The following SPMIP2 variants were observed in gnomAD, a reference collection of about 807,000 sequenced individuals.
SPMIP2 encodes the protein sperm microtubule inner protein 2, also known as protein SPMIP2.
At chr4:159,028,810 T>C in the SPMIP2 span, among the ~76,000 whole-genome samples, 3 of 152,128 alleles carry the variant, frequency 2.0e-5, 1 homozygote, top group Non-Finnish European at 4.4e-5. Context: ...AAATAACATT[T>C]TCTAGGCAGG....
chr4:158,914,559 G>T, the SPMIP2 span, among the ~76,000 whole-genome samples: 1 of 152,178 alleles, frequency 6.6e-6, no homozygotes, highest in Non-Finnish European at 1.5e-5. Context: ...CGCCTGCAAA[G>T]TTCATTGTGC....
the SPMIP2 span, among the ~76,000 whole-genome samples, chr4:158,912,331 C>T: frequency 1.3e-5 from 2 of 152,184 alleles, no homozygotes; most frequent in African/African-American, 2.4e-5. Flanking sequence ...TAAGTTTATA[C>T]ATGGAAAACC....
the SPMIP2 span, among the ~76,000 whole-genome samples, chr4:158,954,749 C>T: frequency 2.0e-5 from 3 of 152,138 alleles, no homozygotes; most frequent in Non-Finnish European, 4.4e-5. Context: ...TAAAAACAGG[C>T]ATTTCTGAAG....
At chr4:158,974,160 T>A in the SPMIP2 span, among the ~76,000 whole-genome samples, 2 of 151,880 alleles carry the variant, frequency 1.3e-5, no homozygotes, top group African/African-American at 4.8e-5. Flanking sequence ...GAGAAAATTG[T>A]TAGATGAGGG....
the SPMIP2 span, among the ~76,000 whole-genome samples, chr4:159,072,981 TG>T: frequency 5.9e-5 from 9 of 152,318 alleles, no homozygotes; most frequent in African/African-American, 2.2e-4. Context: ...CTCACAATGC[TG>T]CAGCCAGAGA....
At chr4:158,994,585 T>C in the SPMIP2 span, among the ~76,000 whole-genome samples, 2 of 152,142 alleles carry the variant, frequency 1.3e-5, no homozygotes, top group African/African-American at 4.8e-5. Context: ...AATAAATAAA[T>C]CAAAAGGAAT....
chr4:159,068,603 A>G, the SPMIP2 span, among the ~76,000 whole-genome samples: 1 of 152,132 alleles, frequency 6.6e-6, no homozygotes, highest in African/African-American at 2.4e-5. Flanking sequence ...TGGCACATGC[A>G]TACATATGTA....
the SPMIP2 span, among the ~76,000 whole-genome samples, chr4:159,033,795 T>C: frequency 6.6e-6 from 1 of 152,048 alleles, no homozygotes; most frequent in African/African-American, 2.4e-5. Flanking sequence ...CCACCATAAA[T>C]ATGCATTTGA....
At chr4:158,899,543 A>G in the SPMIP2 span, among the ~76,000 whole-genome samples, 2 of 152,210 alleles carry the variant, frequency 1.3e-5, no homozygotes, top group African/African-American at 4.8e-5. Flanking sequence ...TTATCAGTCT[A>G]TTCAGGGATT....
the SPMIP2 span, among the ~76,000 whole-genome samples, chr4:158,897,315 T>A: frequency 6.6e-6 from 1 of 152,238 alleles, no homozygotes; most frequent in Admixed American, 6.5e-5. Context: ...TGTGCGTGTG[T>A]CTTTATAGTA....
the SPMIP2 span, among the ~76,000 whole-genome samples, chr4:159,005,221 C>CA: frequency 0.66 from 35,092 of 52,842 alleles, 12,751 homozygotes; most frequent in Middle Eastern, 0.79. Context: ...GACTCCGCCT[C>CA]AAAAAAAAAA....
the SPMIP2 span, among the ~76,000 whole-genome samples, chr4:159,056,618 T>C: frequency 6.6e-6 from 1 of 152,142 alleles, no homozygotes; most frequent in South Asian, 2.1e-4. Context: ...AGATAAATGC[T>C]AGAAGGAGAT....
At chr4:158,913,458 G>C in the SPMIP2 span, among the ~76,000 whole-genome samples, 1 of 152,146 alleles carries the variant, frequency 6.6e-6, no homozygotes, top group Non-Finnish European at 1.5e-5. Context: ...TTGGGCTCAA[G>C]TGATTCTCCC....
the SPMIP2 span, among the ~76,000 whole-genome samples, chr4:158,995,185 T>G: frequency 1.3e-5 from 2 of 152,242 alleles, no homozygotes; most frequent in East Asian, 3.8e-4. Context: ...CCCAAAGTGC[T>G]GGGATTACAG....
the SPMIP2 span, among the ~76,000 whole-genome samples, chr4:159,049,150 A>T: frequency 6.6e-6 from 1 of 152,240 alleles, no homozygotes; most frequent in Non-Finnish European, 1.5e-5. Context: ...CGAGAAAGAT[A>T]AAGCAACGTC....
At chr4:158,976,869 C>T in the SPMIP2 span, among the ~76,000 whole-genome samples, 11 of 151,900 alleles carry the variant, frequency 7.2e-5, no homozygotes, top group Non-Finnish European at 1.2e-4. Context: ...ACCATGTTGG[C>T]CACGATGGTC....
At chr4:159,062,013 A>G in the SPMIP2 span, among the ~76,000 whole-genome samples, 1 of 152,182 alleles carries the variant, frequency 6.6e-6, no homozygotes, top group African/African-American at 2.4e-5. Context: ...CAGTGGGAAC[A>G]GTACAGCCTT....
the SPMIP2 span, among the ~76,000 whole-genome samples, chr4:158,983,124 G>A: frequency 2.2e-4 from 34 of 152,190 alleles, no homozygotes; most frequent in East Asian, 5.8e-3. Flanking sequence ...AAGAATAAAA[G>A]GAGACGAACA....
chr4:158,919,544 G>A, the SPMIP2 span, among the ~76,000 whole-genome samples: 1 of 152,162 alleles, frequency 6.6e-6, no homozygotes, highest in African/African-American at 2.4e-5. Context: ...TCCCATTACT[G>A]ATGATGTTCA....
Sources: allele counts gnomAD v4.1 joint callset (sites outside exome capture counted in the v4.1 genomes callset), GRCh38; gene constraint gnomAD v4.1.1; transcripts MANE v1.5; gene names NCBI Gene and HGNC (gene_info 2026-07-23, HGNC 2026-07-21).